RFX4: variants seen among roughly 807,000 people sequenced by gnomAD.
RFX4 encodes regulatory factor X4.
Under a neutral mutation model 95.0 loss-of-function variants are expected in RFX4, and 10 were observed. The ratio of observed to expected loss-of-function variants is 0.11; its 90% confidence interval spans 0.06 to 0.18. The LOEUF (loss-of-function observed/expected upper bound fraction) is 0.18. Among genes scored for constraint, RFX4 ranks in the 10% least tolerant of loss-of-function variants. The pLI is 1.00. For missense variants in RFX4, 640 were observed against 922.0 expected (o/e 0.69, Z 3.96); for synonymous variants, 321 against 340.7 (o/e 0.94, Z 0.64).
chr12:106,687,183 C>CTGTCTCT (rs57545359), intron 6 of RFX4, 86 bp downstream of exon 6: 1 of 68,610 alleles, frequency 1.5e-5, no homozygotes, highest in African/African-American at 2.9e-4. Context: ...CTCTCTCTCT[C>CTGTCTCT]ACACACACAC....
At chr12:106,664,396 G>T (rs2041133674) in intron 4 of RFX4, among the ~76,000 whole-genome samples, 1 of 151,608 alleles carries the variant, frequency 6.6e-6, no homozygotes, top group African/African-American at 2.4e-5. Context: ...GATCTGTAGT[G>T]GTGTCTCCTC....
intron 13 of RFX4, among the ~76,000 whole-genome samples, chr12:106,729,497 G>A (rs1211854952): frequency 6.6e-6 from 1 of 152,120 alleles, no homozygotes; most frequent in Non-Finnish European, 1.5e-5. Flanking sequence ...AGCACATAAC[G>A]ATTGAGGAGC....
intron 4 of RFX4, among the ~76,000 whole-genome samples, chr12:106,670,702 A>G (rs369109442): frequency 6.6e-6 from 1 of 152,216 alleles, no homozygotes; most frequent in African/African-American, 2.4e-5. Context: ...ATTGTTGAGT[A>G]GGTAAGAGTT....
At chr12:106,660,874 T>G (rs1181115318) in intron 4 of RFX4, among the ~76,000 whole-genome samples, 1 of 152,218 alleles carries the variant, frequency 6.6e-6, no homozygotes, top group East Asian at 1.9e-4. Flanking sequence ...CTTATGAAAA[T>G]CTAATGCCTG....
chr12:106,624,044 A>G (rs1019367613), intron 2 of RFX4, among the ~76,000 whole-genome samples: 5 of 152,162 alleles, frequency 3.3e-5, no homozygotes, highest in Non-Finnish European at 5.9e-5. Context: ...TCAGGTCCAC[A>G]TTTAAGACAA....
rs2039401217 is a variant in RFX4 at position 106,583,363 on chromosome 12, G to GGTTA, written c.43+3_43+6dup. 6.3e-7 allele frequency: 1 copy of GGTTA among 1,580,828 alleles called. No individual in the cohort carries two copies. The highest frequency in any genetic ancestry group is 1.4e-5 in the African/African-American group (1 of 72,678). ...GGAGGAACCCGACATGGATTCCACA[G>GGTTA]GTTAGTCCTACTGGCGGGGTTGGGG... On this transcript the variant is annotated stop_gained and frameshift_variant and splice_region_variant. Coordinates refer to ENST00000392842, the MANE Select transcript of RFX4 (RefSeq NM_213594.3). LOFTEE classifies it high-confidence loss of function.
intron 13 of RFX4, 58 bp from the exon 14 acceptor site, chr12:106,732,072 G>A: frequency 6.3e-7 from 1 of 1,597,424 alleles, no homozygotes; most frequent in Non-Finnish European, 8.5e-7. Context: ...TGACCAGACA[G>A]AGGGGGCATA....
intron 1 of RFX4, among the ~76,000 whole-genome samples, chr12:106,608,197 C>CA (rs1565948231): frequency 6.6e-6 from 1 of 150,386 alleles, no homozygotes; most frequent in Non-Finnish European, 1.5e-5. Context: ...CTCAAAAACA[C>CA]AAAAAAAGAG....
Position 106,718,550 on chromosome 12 carries a change from A to G in RFX4, c.1139-1410A>G, listed in dbSNP as rs113919663. Among the ~76,000 whole-genome samples, 1,264 of 152,332 alleles carry G rather than the reference A, an allele frequency of 8.3e-3. 25 individuals are homozygous for G. The highest frequency in any genetic ancestry group is 0.029 in the African/African-American group (1,207 of 41,568). ...CATCCATTCAGTCAACAAACATTTG[A>G]GCATTCTAGTGTTATGACCCTCTGG... On this transcript the variant is annotated intron_variant, in intron 11 of 17. Coordinates refer to ENST00000392842, the MANE Select transcript of RFX4 (RefSeq NM_213594.3).
intron 13 of RFX4, among the ~76,000 whole-genome samples, chr12:106,726,738 G>C (rs1471642583): frequency 6.6e-6 from 1 of 152,010 alleles, no homozygotes; most frequent in African/African-American, 2.4e-5. Context: ...TTCAAAATCT[G>C]GCAAGAAAAG....
At chr12:106,583,404 GA>G in intron 1 of RFX4, 41 bp downstream of exon 1, 1 of 1,517,548 alleles carries the variant, frequency 6.6e-7, no homozygotes, top group Non-Finnish European at 8.8e-7. Flanking sequence ...CATTGGGAGG[GA>G]AGGAGAAGGG....
chr12:106,591,222 C>G (rs193190035), intron 1 of RFX4, among the ~76,000 whole-genome samples: 169 of 147,052 alleles, frequency 1.1e-3, no homozygotes, highest in African/African-American at 4.1e-3. Context: ...AAGTAAATGA[C>G]GTGCTATTTT....
chr12:106,681,443 A>G (rs138683756), intron 4 of RFX4, among the ~76,000 whole-genome samples: 10 of 152,340 alleles, frequency 6.6e-5, no homozygotes, highest in Middle Eastern at 3.4e-3. Context: ...AGACGCCTGA[A>G]TGGTTAAAGA....
intron 9 of RFX4, among the ~76,000 whole-genome samples, chr12:106,710,845 C>T (rs1332434637): frequency 6.6e-6 from 1 of 152,168 alleles, no homozygotes; most frequent in African/African-American, 2.4e-5. Flanking sequence ...TATAAGATCA[C>T]CCTACTTCAA....
chr12:106,638,012 A>C (rs1450865928), intron 2 of RFX4, among the ~76,000 whole-genome samples: 3 of 150,564 alleles, frequency 2.0e-5, no homozygotes, highest in African/African-American at 7.4e-5. Context: ...TTACTATTAC[A>C]CTGGATTTTT....
intron 1 of RFX4, among the ~76,000 whole-genome samples, chr12:106,585,454 C>T (rs1418144656): frequency 6.6e-6 from 1 of 152,196 alleles, no homozygotes; most frequent in African/African-American, 2.4e-5. Flanking sequence ...TGGTACACGA[C>T]AGTGTGAAGA....
At chr12:106,683,490 A>AAC (rs2041572214) in intron 5 of RFX4, 1 of 141,620 alleles carries the variant, frequency 7.1e-6, no homozygotes, top group East Asian at 2.1e-4. Flanking sequence ...AAAAAAAAAA[A>AAC]AAAAAACAAA....
chr12:106,762,360 A>C lies in RFX4; in HGVS notation c.*891A>C. The C allele has an allele frequency of 6.6e-6, 1 of 152,636 alleles. No individual in the cohort carries two copies. Among genetic ancestry groups the C allele is most frequent in the East Asian group, 1.9e-4 (1 of 5,200 alleles). 9.5% of individuals were successfully genotyped at this position (152,636 alleles called of 1,614,324 possible). On this transcript the variant is annotated 3_prime_UTR_variant, in exon 18 of 18. Transcript: ENST00000392842. ...ACAAACTTTAACTTACCAAGCACCA[A>C]GTGTGAAAGTGACTTTCACGGTTCC...
chr12:106,612,383 T>G (rs1430391218), intron 2 of RFX4, among the ~76,000 whole-genome samples: 2 of 152,214 alleles, frequency 1.3e-5, no homozygotes, highest in Non-Finnish European at 2.9e-5. Flanking sequence ...TACATGAAAT[T>G]TTCTTAATTT....
Sources: gnomAD v4.1 joint callset for allele counts (sites outside exome capture counted in the v4.1 genomes callset) on GRCh38, gnomAD v4.1.1 for gene constraint, MANE v1.5 for transcripts, NCBI Gene and HGNC (gene_info 2026-07-23, HGNC 2026-07-21) for gene names.